STPG1: variants seen among roughly 807,000 people sequenced by gnomAD.
STPG1 encodes the protein O(6)-methylguanine-induced apoptosis 2.
STPG1 carries 33 observed loss-of-function variants against 40.1 expected under a neutral mutation model. That is an observed-to-expected ratio of 0.82 (90% CI 0.62 to 1.10). STPG1 has a LOEUF of 1.10. Ranked by LOEUF, STPG1 falls within the 50% of genes least tolerant of loss-of-function variation. STPG1 has a pLI of 0.00. For missense variants in STPG1, 396 were observed against 415.1 expected (o/e 0.95, Z 0.40); for synonymous variants, 150 against 155.0 (o/e 0.97, Z 0.24).
At chr1:24,411,523 C>G (rs556879341) in intron 1 of STPG1, 3 of 152,306 alleles carry the variant, frequency 2.0e-5, no homozygotes, top group African/African-American at 7.2e-5. Context: ...CTTACTGCAA[C>G]CTCAAACTCC....
chr1:24,362,093 T>TCCCCAGCTTC (rs1641160130), intron 7 of STPG1, among the ~76,000 whole-genome samples: 1 of 152,102 alleles, frequency 6.6e-6, no homozygotes, highest in African/African-American at 2.4e-5. Context: ...AAGGGAGCCT[T>TCCCCAGCTTC]CCCCAGCTTC....
rs1473544534 is a variant in STPG1 at position 24,358,052 on chromosome 1, C to T, written c.*491G>A. 7 of 371,010 alleles carry T rather than the reference C, an allele frequency of 1.9e-5. No homozygotes were observed. Among genetic ancestry groups the T allele is most frequent in the African/African-American group, 6.3e-5 (3 of 47,438 alleles). 23.0% of individuals were successfully genotyped at this position (371,010 alleles called of 1,614,324 possible). A position where few individuals can be genotyped will look rare whatever the true frequency, so the allele number is the denominator to read the frequency against. On this transcript the variant is annotated 3_prime_UTR_variant, in exon 9 of 9. Coordinates refer to ENST00000337248, the MANE Select transcript of STPG1 (RefSeq NM_001199013.2). ...GGTAGCTTTCGCCCAGTAGACATAC[C>T]GTAAGTGAGTGAGGTCAGAAAGGGA... is the stretch of plus-strand genomic sequence containing the variant.
chr1:24,383,111 C>T (rs764998517), intron 4 of STPG1, among the ~76,000 whole-genome samples: 1 of 152,012 alleles, frequency 6.6e-6, no homozygotes, highest in Non-Finnish European at 1.5e-5. Context: ...TGGGGTCTCA[C>T]TATGTTGCCC....
chr1:24,384,034 G>T, intron 3 of STPG1, 31 bp from the exon 4 acceptor site: 1 of 1,344,180 alleles, frequency 7.4e-7, no homozygotes, highest in South Asian at 1.2e-5. Flanking sequence ...GTGTCATCGA[G>T]ATACTTCAAT....
At chr1:24,380,983 C>A (rs1207452286) in intron 4 of STPG1, among the ~76,000 whole-genome samples, 1 of 152,160 alleles carries the variant, frequency 6.6e-6, no homozygotes, top group East Asian at 1.9e-4. Context: ...TCATTCTGGC[C>A]AAGAGTTAAC....
chr1:24,397,306 T>C (rs1643045548), intron 2 of STPG1, among the ~76,000 whole-genome samples: 1 of 152,184 alleles, frequency 6.6e-6, no homozygotes, highest in Non-Finnish European at 1.5e-5. Flanking sequence ...ATATGAAACC[T>C]GAACAAAACT....
intron 1 of STPG1, among the ~76,000 whole-genome samples, chr1:24,407,711 C>T (rs1305754858): frequency 1.3e-5 from 2 of 152,180 alleles, no homozygotes; most frequent in African/African-American, 4.8e-5. Context: ...GCTGGGATTA[C>T]AGGCATGAGC....
chr1:24,383,745 C>G, intron 4 of STPG1, 157 bp downstream of exon 4: 1 of 583,512 alleles, frequency 1.7e-6, no homozygotes, highest in Non-Finnish European at 3.1e-6. Context: ...GACACAGGGT[C>G]CAATTTACTT....
rs760554667 is a variant in STPG1 at position 24,359,042 on chromosome 1, T to C, written c.929-423A>G. Among the ~76,000 whole-genome samples, 6 of 152,158 alleles carry C rather than the reference T, an allele frequency of 3.9e-5. No individual in the cohort carries two copies. Among genetic ancestry groups the C allele is most frequent in the Non-Finnish European group, 7.4e-5 (5 of 68,014 alleles). On this transcript the variant is annotated intron_variant, in intron 8 of 8. Transcript: ENST00000337248. The surrounding 1 kb of genome is among the most constrained non-coding windows in gnomAD (Gnocchi z 5.3). ...GGAGATGAGCAGGGCTTGGGAACTG[T>C]AGCCCCAGGTGACCAGAAACTCATG...
At chr1:24,390,740 G>GAT (rs1553125131) in intron 3 of STPG1, among the ~76,000 whole-genome samples, 1 of 151,080 alleles carries the variant, frequency 6.6e-6, no homozygotes, top group Non-Finnish European at 1.5e-5. Context: ...GTTTAAGGAA[G>GAT]TTTTTTTTGT....
intron 2 of STPG1, 50 bp downstream of exon 2, chr1:24,401,268 TA>T: frequency 6.3e-7 from 1 of 1,575,334 alleles, no homozygotes; most frequent in South Asian, 1.1e-5. Flanking sequence ...TCTTATGTAC[TA>T]AAATAAGCAT....
At chr1:24,375,521 G>A (rs1430358009) in intron 5 of STPG1, among the ~76,000 whole-genome samples, 2 of 152,188 alleles carry the variant, frequency 1.3e-5, no homozygotes, top group African/African-American at 4.8e-5. Context: ...GATGGGACAG[G>A]TTAATTACTG....
chr1:24,406,367 C>G (rs1308219649), intron 1 of STPG1, among the ~76,000 whole-genome samples: 2 of 151,918 alleles, frequency 1.3e-5, no homozygotes, highest in African/African-American at 4.8e-5. Flanking sequence ...CATTTTATTT[C>G]TACATATATT....
chr1:24,360,131 G>A (rs1641001897), intron 8 of STPG1, among the ~76,000 whole-genome samples: 1 of 152,194 alleles, frequency 6.6e-6, no homozygotes, highest in South Asian at 2.1e-4. Context: ...TAGACCAGTA[G>A]TTTAAATATT....
In STPG1 at chr1:24,359,928, T is replaced by C. The variant is rs1227361486; in HGVS notation, c.928+923A>G. Among the ~76,000 whole-genome samples the C allele has an allele frequency of 6.6e-6, 1 of 152,190 alleles. No individual in the cohort carries two copies. The highest frequency in any genetic ancestry group is 2.4e-5 in the African/African-American group (1 of 41,444). The stretch of plus-strand genomic sequence containing the variant: ...AGATGTAACAGGGGATCCCTACTTA[T>C]GCTTGCCTGTAAAAAGAGTGTGGCG... On this transcript the variant is annotated intron_variant, in intron 8 of 8. Coordinates refer to ENST00000337248, the MANE Select transcript of STPG1 (RefSeq NM_001199013.2). The surrounding 1 kb of genome is among the most constrained non-coding windows in gnomAD (Gnocchi z 5.3).
rs1387593559 is a variant in STPG1, at chr1:24,369,673, C to T, written c.737+1G>A. 48 of 1,587,652 alleles carry T rather than the reference C, an allele frequency of 3.0e-5. No individual in the cohort carries two copies. Among genetic ancestry groups the T allele is most frequent in the East Asian group, 4.5e-5 (2 of 44,390 alleles). ...GAAAGACCAGAATGATTGGGACTCA[C>T]GGGAAAAGAGTCTTTTTTGGAACTT... is the stretch of plus-strand genomic sequence containing the variant. On this transcript the variant is annotated splice_donor_variant, in intron 7 of 8. Coordinates refer to ENST00000337248, the MANE Select transcript of STPG1 (RefSeq NM_001199013.2). LOFTEE classifies it high-confidence loss of function.
chr1:24,396,324 T>C (rs1029498140), intron 2 of STPG1, among the ~76,000 whole-genome samples: 1 of 152,098 alleles, frequency 6.6e-6, no homozygotes, highest in Admixed American at 6.5e-5. Context: ...TTGATCTATA[T>C]TTTGAGACAG....
At chr1:24,379,580 G>A in intron 5 of STPG1, 73 bp downstream of exon 5, 1 of 1,522,676 alleles carries the variant, frequency 6.6e-7, no homozygotes, top group East Asian at 2.3e-5. Context: ...ATGTCCCCAA[G>A]ATCCCCTCTT....
chr1:24,399,063 TGTACAACTA>T lies in STPG1; in HGVS notation c.70+2247_70+2255del, dbSNP rs1553126596. On this transcript the variant is annotated intron_variant, in intron 2 of 8. Coordinates refer to ENST00000337248, the MANE Select transcript of STPG1 (RefSeq NM_001199013.2). This position sits in a 1 kb window ranked among gnomAD's most constrained non-coding sequence, Gnocchi z 4.0. ...AAATATCATGTGTGCACCATAAATA[TGTACAACTA>T]TTATGTATCCATAAAAATTAAAAAT... Among the ~76,000 whole-genome samples, 1 of 152,114 alleles carries T rather than the reference TGTACAACTA, an allele frequency of 6.6e-6. No individual in the cohort carries two copies. The highest frequency in any genetic ancestry group is 1.5e-5 in the Non-Finnish European group (1 of 67,992).
Sources: gnomAD v4.1 joint callset for allele counts (sites outside exome capture counted in the v4.1 genomes callset) on GRCh38, gnomAD v4.1.1 for gene constraint, Gnocchi (gnomAD v3.1) non-coding constraint, MANE v1.5 for transcripts, NCBI Gene and HGNC (gene_info 2026-07-23, HGNC 2026-07-21) for gene names.